Variants in DIAPH2 observed in about 807,000 individuals in gnomAD.
The protein encoded by DIAPH2 is diaphanous related formin 2, also known as protein diaphanous homolog 2.
A neutral mutation model predicts 92.7 loss-of-function variants in DIAPH2; 35 were observed. That is an observed-to-expected ratio of 0.38 (90% CI 0.29 to 0.50). The LOEUF is 0.50. Ranked by LOEUF, DIAPH2 falls within the 20% of genes least tolerant of loss-of-function variation. The probability of loss-of-function intolerance (pLI) is 0.94; values close to 1 mark genes in which losing one functional copy is unlikely to be tolerated. For synonymous variants in DIAPH2, 301 were observed against 280.4 expected (o/e 1.07, Z -0.73); for missense variants, 701 against 819.5 (o/e 0.86, Z 1.77).
intron 23 of DIAPH2, among the ~76,000 whole-genome samples, chrX:97,293,326 C>T (rs1168214855): frequency 2.1e-5 from 2 of 95,248 alleles, no homozygotes; most frequent in Non-Finnish European, 4.0e-5. Flanking sequence ...TATCTTGGCT[C>T]ACTGCAACCT....
At chrX:97,090,484 A>G (rs1273618120) in intron 19 of DIAPH2, among the ~76,000 whole-genome samples, 1 of 108,776 alleles carries the variant, frequency 9.2e-6, no homozygotes, top group East Asian at 2.9e-4. Flanking sequence ...CATTCTTTCT[A>G]CACTCAGTTG....
intron 26 of DIAPH2, among the ~76,000 whole-genome samples, chrX:97,461,187 CT>C (rs2070455339): frequency 9.2e-6 from 1 of 108,407 alleles, no homozygotes; most frequent in Admixed American, 9.9e-5. Context: ...GTCTTTCTGC[CT>C]TTAAGATTTT....
At chrX:97,471,409 G>A (rs2070560756) in intron 26 of DIAPH2, among the ~76,000 whole-genome samples, 1 of 111,606 alleles carries the variant, frequency 9.0e-6, no homozygotes, top group South Asian at 3.8e-4. Flanking sequence ...AGAAAGAATG[G>A]GCCGGGCATG....
At chrX:97,465,036 A>G (rs5921831) in intron 26 of DIAPH2, among the ~76,000 whole-genome samples, 3,378 of 110,672 alleles carry the variant, frequency 0.031, 39 homozygotes, top group Middle Eastern at 0.047. Context: ...TAGTAGAGAC[A>G]GGGTTTCTCC....
At chrX:97,229,391 A>G (rs776314088) in intron 22 of DIAPH2, among the ~76,000 whole-genome samples, 20 of 111,809 alleles carry the variant, frequency 1.8e-4, no homozygotes, top group Non-Finnish European at 3.6e-4. Flanking sequence ...GCAGTGTTCC[A>G]ACCTTTAGGT....
At chrX:97,076,075 C>A (rs2066702521) in intron 19 of DIAPH2, among the ~76,000 whole-genome samples, 1 of 112,329 alleles carries the variant, frequency 8.9e-6, no homozygotes, top group African/African-American at 3.2e-5. Context: ...AGAGCTGACA[C>A]ATTATTTGAA....
At chrX:97,595,532 C>T (rs187287183) in intron 26 of DIAPH2, among the ~76,000 whole-genome samples, 20 of 111,953 alleles carry the variant, frequency 1.8e-4, no homozygotes, top group East Asian at 2.8e-4. Context: ...GTTTTGGCCA[C>T]GCTTTCTCCA....
At chrX:97,431,930 C>G (rs2070130647) in intron 26 of DIAPH2, among the ~76,000 whole-genome samples, 2 of 111,903 alleles carry the variant, frequency 1.8e-5, no homozygotes, top group African/African-American at 6.5e-5. Flanking sequence ...TCCTGCTAGT[C>G]CCGTTATTTT....
At chrX:97,056,426 C>A (rs1184413554) in intron 17 of DIAPH2, among the ~76,000 whole-genome samples, 4 of 111,287 alleles carry the variant, frequency 3.6e-5, no homozygotes, top group Admixed American at 1.9e-4. Flanking sequence ...TACTGAGATT[C>A]TTTATTTTAA....
chrX:96,773,221 T>G (rs1400160003), intron 4 of DIAPH2, among the ~76,000 whole-genome samples: 1 of 106,996 alleles, frequency 9.3e-6, no homozygotes, highest in Non-Finnish European at 1.9e-5. Flanking sequence ...AGCTATGTGT[T>G]ACCGGCTGAA....
chrX:96,927,504 T>C (rs2065591700), intron 9 of DIAPH2, among the ~76,000 whole-genome samples: 1 of 111,081 alleles, frequency 9.0e-6, no homozygotes. Context: ...TGCTATTCAA[T>C]CAAACTTTCT....
At chrX:97,244,747 CT>C (rs2147546322) in intron 22 of DIAPH2, among the ~76,000 whole-genome samples, 1 of 111,709 alleles carries the variant, frequency 9.0e-6, no homozygotes, top group African/African-American at 3.2e-5. Flanking sequence ...TTCTATGTCC[CT>C]TTATTTTCAG....
intron 23 of DIAPH2, among the ~76,000 whole-genome samples, chrX:97,253,358 G>A (rs1331226805): frequency 9.1e-6 from 1 of 109,897 alleles, no homozygotes; most frequent in African/African-American, 3.3e-5. Flanking sequence ...AAGATTCTTA[G>A]CATTTTTTGA....
At chrX:97,469,606 T>G in intron 26 of DIAPH2, 2 of 849,876 alleles carry the variant, frequency 2.4e-6, no homozygotes, top group Non-Finnish European at 3.3e-6. Context: ...CTGTTTATGG[T>G]TTTGTCTTAT....
intron 21 of DIAPH2, among the ~76,000 whole-genome samples, chrX:97,127,489 G>T (rs936748589): frequency 2.7e-5 from 3 of 112,234 alleles, no homozygotes; most frequent in Admixed American, 9.4e-5. Context: ...ATCACAGCCT[G>T]GCCCATTCAG....
chrX:96,724,639 G>T (rs976283174), intron 1 of DIAPH2, among the ~76,000 whole-genome samples: 3 of 111,416 alleles, frequency 2.7e-5, no homozygotes, highest in African/African-American at 9.8e-5. Flanking sequence ...TGTAGGCAAG[G>T]TTAACAGCCA....
intron 4 of DIAPH2, among the ~76,000 whole-genome samples, chrX:96,787,283 G>GATTTAATT: frequency 9.0e-6 from 1 of 111,403 alleles, no homozygotes; most frequent in Non-Finnish European, 1.9e-5. Context: ...TTAGTTTCAG[G>GATTTAATT]TAATTTAAAT....
intron 23 of DIAPH2, among the ~76,000 whole-genome samples, chrX:97,303,459 G>A (rs934349342): frequency 8.9e-6 from 1 of 111,814 alleles, no homozygotes; most frequent in Non-Finnish European, 1.9e-5. Flanking sequence ...TTTCACACGA[G>A]CCTTGATAAA....
At chrX:97,526,648 C>A (rs1000864316) in intron 26 of DIAPH2, among the ~76,000 whole-genome samples, 3 of 111,377 alleles carry the variant, frequency 2.7e-5, no homozygotes, top group African/African-American at 9.8e-5. Flanking sequence ...CACCTAAGTT[C>A]AAACTCTGAG....
Sources: gnomAD v4.1 joint callset for allele counts (sites outside exome capture counted in the v4.1 genomes callset) on GRCh38, gnomAD v4.1.1 for gene constraint, MANE v1.5 for transcripts, NCBI Gene and HGNC (gene_info 2026-07-23, HGNC 2026-07-21) for gene names.